The following SLC6A16 variants were observed in gnomAD, a reference collection of about 807,000 sequenced individuals.
SLC6A16 encodes solute carrier family 6 member 16, also known as orphan sodium- and chloride-dependent neurotransmitter transporter NTT5.
SLC6A16 carries 54 observed loss-of-function variants against 65.4 expected under a neutral mutation model. The ratio of observed to expected loss-of-function variants is 0.83; its 90% confidence interval spans 0.66 to 1.04. SLC6A16 has a LOEUF of 1.04. SLC6A16 is among the 50% of genes least tolerant of loss of function. SLC6A16 has a pLI of 0.00. For synonymous variants in SLC6A16, 330 were observed against 346.5 expected, an observed-to-expected ratio of 0.95 and a Z score of 0.53; for missense variants, 816 against 914.0, an observed-to-expected ratio of 0.89 and a Z score of 1.38.
At chr19:49,338,025 T>C in the SLC6A16 span, 62 of 1,613,762 alleles carry the variant, frequency 3.8e-5, no homozygotes, top group Admixed American at 3.5e-4. This position sits in a 1 kb window ranked among gnomAD's most constrained non-coding sequence, Gnocchi z 5.0. Flanking sequence ...TATGTGCAGT[T>C]CCAGGTAAGC....
the SLC6A16 span, chr19:49,339,634 G>A: frequency 6.3e-6 from 9 of 1,431,178 alleles, 1 homozygote; most frequent in East Asian, 2.3e-4. This position sits in a 1 kb window ranked among gnomAD's most constrained non-coding sequence, Gnocchi z 4.5. Flanking sequence ...TATTGGCTGC[G>A]ATCTCCCTCC....
At chr19:49,331,971 G>A in the SLC6A16 span, 3 of 448,762 alleles carry the variant, frequency 6.7e-6, no homozygotes, top group Admixed American at 2.4e-5. Flanking sequence ...GTGGGAAGGA[G>A]GGATTGGTGT....
At position 49,309,772 on chromosome 19, in the gene SLC6A16, A is replaced by G; in HGVS notation, c.755T>C (p.Leu252Ser). 6.2e-7 allele frequency: 1 copy of G among 1,614,010 alleles called. No homozygotes were observed. The highest frequency in any genetic ancestry group is 2.2e-5 in the East Asian group (1 of 44,858). ...ATCCTCGATTCTGTCTGAGGCCTTC[A>G]AGGCCTGCTGGTACCAGAAGTATAT... Reference protein sequence around the residue: ...PSIYFWYQQALKASDRIEDGG... With the variant: ...PSIYFWYQQASKASDRIEDGG... The change falls in exon 5 of 12, where the codon TTG (leucine) becomes TCG (serine). Residue 252 changes from leucine to serine, a missense_variant. By Grantham distance (145) the Leu-to-Ser change is moderately radical (BLOSUM62 -2). Coordinates refer to ENST00000335875, the MANE Select transcript of SLC6A16 (RefSeq NM_014037.3).
chr19:49,300,586 G>A (rs1970270201), intron 7 of SLC6A16, among the ~76,000 whole-genome samples: 1 of 152,046 alleles, frequency 6.6e-6, no homozygotes. Context: ...TAACTACTAA[G>A]TCAATCCAAA....
chr19:49,313,719 C>T (rs1023907868), intron 1 of SLC6A16, among the ~76,000 whole-genome samples: 1 of 151,390 alleles, frequency 6.6e-6, no homozygotes, highest in Admixed American at 6.6e-5. Flanking sequence ...TCACTTGAAT[C>T]GGGAGGCAGA....
At chr19:49,311,480 C>T (rs1344745769) in intron 1 of SLC6A16, 69 bp from the exon 2 acceptor site, 5 of 967,346 alleles carry the variant, frequency 5.2e-6, no homozygotes, top group Middle Eastern at 6.4e-4. Context: ...CAAAACAATC[C>T]TCAACATCTC....
the SLC6A16 span, chr19:49,335,636 G>A: frequency 7.8e-5 from 125 of 1,611,270 alleles, 1 homozygote; most frequent in Middle Eastern, 3.3e-4. The surrounding 1 kb of genome is among the most constrained non-coding windows in gnomAD (Gnocchi z 4.6). Flanking sequence ...CTACCCAGCC[G>A]GGGCCCAGCC....
In SLC6A16 at chr19:49,290,651, T is replaced by C. The variant is rs759753159; in HGVS notation, c.1895A>G (p.His632Arg). ...GTAGGTGATCGGCTTCATACAAAGA[T>C]GAACCATCATGGTCACAAAGATGAT... ...LLIIFVTMMV[H>R]LCMKPITYMS... Residue 632 changes from histidine to arginine, a missense_variant, in exon 11 of 12, where the codon CAT (histidine) becomes CGT (arginine). Physicochemically the swap from His to Arg is conservative, Grantham distance 29 (BLOSUM62 0). Coordinates refer to ENST00000335875, the MANE Select transcript of SLC6A16 (RefSeq NM_014037.3). 2.0e-5 allele frequency: 32 copies of C among 1,613,978 alleles called. No individual in the cohort carries two copies. Among genetic ancestry groups the C allele is most frequent in the Non-Finnish European group, 2.6e-5 (31 of 1,180,012 alleles).
At chr19:49,296,052 C>T (rs753603877) in intron 7 of SLC6A16, among the ~76,000 whole-genome samples, 1 of 152,056 alleles carries the variant, frequency 6.6e-6, no homozygotes, top group East Asian at 1.9e-4. Flanking sequence ...TGCATTGGTG[C>T]GATCTCCGCT....
intron 7 of SLC6A16, among the ~76,000 whole-genome samples, chr19:49,295,062 C>G (rs1454546125): frequency 1.3e-5 from 2 of 152,070 alleles, no homozygotes; most frequent in African/African-American, 4.8e-5. Flanking sequence ...CCAGATTTAA[C>G]TACTTACCGT....
intron 9 of SLC6A16, 62 bp downstream of exon 9, chr19:49,293,765 A>G: frequency 6.9e-7 from 1 of 1,458,910 alleles, no homozygotes. Context: ...GTCCCAAAAA[A>G]AGAGTCCCAG....
chr19:49,337,745 T>C, the SLC6A16 span: 3 of 1,536,488 alleles, frequency 2.0e-6, no homozygotes, highest in Non-Finnish European at 2.6e-6. Flanking sequence ...CAGAGACTTA[T>C]GAGCCGTAGA....
chr19:49,339,376 C>T, the SLC6A16 span: 1 of 1,614,082 alleles, frequency 6.2e-7, no homozygotes, highest in Non-Finnish European at 8.5e-7. This position sits in a 1 kb window ranked among gnomAD's most constrained non-coding sequence, Gnocchi z 4.5. Flanking sequence ...AACCTTATTT[C>T]CATAGTGGGC....
At chr19:49,325,363 CT>C (rs1970783878), upstream of SLC6A16, 3 of 495,734 alleles carry the variant, frequency 6.1e-6, no homozygotes, top group Non-Finnish European at 7.8e-6. Context: ...GCGCCACTCC[CT>C]TCCCCACCGC....
intron 11 of SLC6A16, 103 bp downstream of exon 11, chr19:49,290,502 T>C: frequency 1.3e-6 from 2 of 1,558,650 alleles, no homozygotes; most frequent in Non-Finnish European, 1.8e-6. Flanking sequence ...CCATGAGTCT[T>C]CGGGCAGTAA....
At chr19:49,301,603 C>T (rs1970293671) in intron 7 of SLC6A16, among the ~76,000 whole-genome samples, 1 of 152,244 alleles carries the variant, frequency 6.6e-6, no homozygotes, top group African/African-American at 2.4e-5. Flanking sequence ...TGCAGAGGAA[C>T]CAAGCAGCTT....
chr19:49,310,388 G>C lies in SLC6A16; in HGVS notation c.538C>G (p.Pro180Ala). The C allele has an allele frequency of 6.2e-7, 1 of 1,613,984 alleles. No homozygotes were observed. The highest frequency in any genetic ancestry group is 8.5e-7 in the Non-Finnish European group (1 of 1,179,970). The change falls in exon 3 of 12, where the codon CCC (proline) becomes GCC (alanine). Residue 180 changes from proline to alanine, a missense_variant. Pro to Ala is a conservative substitution (Grantham distance 27). Transcript: ENST00000335875. Reference protein sequence around the residue: ...GGMGVWKIIAPWIGGVGYSSF... With the variant: ...GGMGVWKIIAAWIGGVGYSSF... Reference sequence around the variant, plus strand: ...GAATACCCCACACCACCAATCCAGGGGGCAATGATCTTCCATACACCCATG... The same window carrying C: ...GAATACCCCACACCACCAATCCAGGCGGCAATGATCTTCCATACACCCATG...
Position 49,310,087 on chromosome 19 carries a change from G to T in SLC6A16, c.653C>A (p.Pro218His), listed in dbSNP as rs746695742. The change falls in exon 4 of 12, where the codon CCC (proline) becomes CAC (histidine). Residue 218 changes from proline to histidine, a missense_variant. Transcript: ENST00000335875. ...TAAGGGACATTTCTCCCATGGAACG[G>T]GAAACTGGAAGGACTGGCTCATGTA... Reference protein sequence around the residue: ...IFYMSQSFQFPVPWEKCPLTM... With the variant: ...IFYMSQSFQFHVPWEKCPLTM... 4 of 1,614,082 alleles carry T rather than the reference G, an allele frequency of 2.5e-6. No homozygotes were observed. The East Asian group carries it at 8.9e-5, about 36-fold the overall frequency.
the SLC6A16 span, chr19:49,335,897 GC>G: frequency 6.9e-6 from 6 of 864,848 alleles, no homozygotes; most frequent in Non-Finnish European, 1.1e-5. This position sits in a 1 kb window ranked among gnomAD's most constrained non-coding sequence, Gnocchi z 4.6. Context: ...CAGGCTACAG[GC>G]TCCCATCCAC....
Sources: gnomAD v4.1 joint callset for allele counts (sites outside exome capture counted in the v4.1 genomes callset) on GRCh38, gnomAD v4.1.1 for gene constraint, Gnocchi (gnomAD v3.1) non-coding constraint, MANE v1.5 for transcripts, NCBI Gene and HGNC (gene_info 2026-07-23, HGNC 2026-07-21) for gene names.